TMEM106B: variants seen among roughly 807,000 people sequenced by gnomAD.
The protein encoded by TMEM106B is transmembrane protein 106B.
Under a neutral mutation model 31.1 loss-of-function variants are expected in TMEM106B, and 15 were observed. The ratio of observed to expected loss-of-function variants is 0.48; its 90% CI spans 0.32 to 0.74. The LOEUF (loss-of-function observed/expected upper bound fraction) is 0.74, where lower values mean the gene tolerates loss of function less well. TMEM106B is among the 30% of genes least tolerant of loss of function. TMEM106B has a pLI of 0.03. For synonymous variants in TMEM106B, 126 were observed against 112.5 expected, an observed-to-expected ratio of 1.12 and a Z score of -0.76; for missense variants, 283 against 327.3, an observed-to-expected ratio of 0.86 and a Z score of 1.04.
intron 4 of TMEM106B, 49 bp downstream of exon 4, chr7:12,224,434 A>C: frequency 6.7e-7 from 1 of 1,487,864 alleles, no homozygotes; most frequent in Non-Finnish European, 9.3e-7. Flanking sequence ...CTTTTATCCT[A>C]TTAAGCAGCA....
Position 12,238,151 on chromosome 7 carries a change from A to G in TMEM106B, c.*6176A>G, listed in dbSNP as rs1782176584. 6.5e-6 allele frequency: 1 copy of G among 154,518 alleles called. No individual in the cohort carries two copies. Among genetic ancestry groups the G allele is most frequent in the African/African-American group, 2.4e-5 (1 of 41,446 alleles). The allele number at this position is 154,518 out of a possible 1,614,324, so 9.6% of individuals were successfully genotyped here. ...AAACCCTGCCTCTGCTTTATCGACC[A>G]TGTTTAAATAATTTTCTAAATTCTT... On this transcript the variant is annotated 3_prime_UTR_variant, in exon 8 of 8. Coordinates refer to ENST00000396668, the MANE Select transcript of TMEM106B (RefSeq NM_001134232.2).
intron 3 of TMEM106B, among the ~76,000 whole-genome samples, chr7:12,219,620 A>G (rs981818285): frequency 2.0e-5 from 3 of 152,222 alleles, no homozygotes; most frequent in African/African-American, 7.2e-5. Flanking sequence ...TGAGAAGCTC[A>G]GAAATGAGAT....
chr7:12,215,114 GT>G, intron 2 of TMEM106B, 87 bp downstream of exon 2: 1 of 1,069,096 alleles, frequency 9.4e-7, no homozygotes, highest in Non-Finnish European at 1.4e-6. Flanking sequence ...GGAACCACCT[GT>G]TTTAGAGGAC....
chr7:12,227,389 G>A (rs768926200), intron 4 of TMEM106B, among the ~76,000 whole-genome samples: 2 of 151,886 alleles, frequency 1.3e-5, no homozygotes, highest in African/African-American at 4.8e-5. Flanking sequence ...TACCTAGGTC[G>A]AACTATTACC....
intron 3 of TMEM106B, among the ~76,000 whole-genome samples, chr7:12,219,530 A>T (rs1781747773): frequency 6.6e-6 from 1 of 152,220 alleles, no homozygotes; most frequent in South Asian, 2.1e-4. Flanking sequence ...TGACACTTTA[A>T]TAAAGGCATG....
intron 1 of TMEM106B, among the ~76,000 whole-genome samples, chr7:12,213,100 G>C (rs183991837): frequency 6.6e-6 from 1 of 152,124 alleles, no homozygotes; most frequent in Admixed American, 6.5e-5. Flanking sequence ...TCTACCTGCA[G>C]AAGTTATTTT....
intron 7 of TMEM106B, 133 bp from the exon 8 acceptor site, chr7:12,231,704 G>A: frequency 2.7e-6 from 2 of 731,400 alleles, no homozygotes; most frequent in Non-Finnish European, 4.2e-6. Flanking sequence ...AGAGGATTGT[G>A]TGCACAATAT....
At chr7:12,215,448 G>T (rs1211434405) in intron 2 of TMEM106B, among the ~76,000 whole-genome samples, 1 of 151,054 alleles carries the variant, frequency 6.6e-6, no homozygotes, top group Non-Finnish European at 1.5e-5. Context: ...TGTTGGCCAG[G>T]CTGGTCTTGA....
intron 4 of TMEM106B, among the ~76,000 whole-genome samples, chr7:12,225,816 C>G (rs139628525): frequency 0.011 from 1,632 of 152,138 alleles, 35 homozygotes; most frequent in African/African-American, 0.037. Flanking sequence ...TGCCTGTTCC[C>G]TCTGATGATA....
At position 12,243,252 on chromosome 7, in the gene TMEM106B, A is replaced by G. The variant is rs1377651195; in HGVS notation, c.*11277A>G. 1 of 152,136 alleles carries G rather than the reference A, an allele frequency of 6.6e-6. No homozygotes were observed. The highest frequency in any genetic ancestry group is 2.4e-5 in the African/African-American group (1 of 41,440). 9.4% of individuals were successfully genotyped at this position (152,136 alleles called of 1,614,324 possible). ...ATAAGTCAACCTCACATTTTAATGT[A>G]TGAAGAAGATTGTATGAACGATCAC... is the stretch of plus-strand genomic sequence containing the variant. On this transcript the variant is annotated 3_prime_UTR_variant, in exon 8 of 8. Transcript: ENST00000396668.
intron 4 of TMEM106B, among the ~76,000 whole-genome samples, chr7:12,227,988 T>A (rs7792410): frequency 1.3e-5 from 2 of 151,590 alleles, no homozygotes; most frequent in Admixed American, 1.3e-4. Flanking sequence ...CTTCCAAGAT[T>A]CTTCTAAATT....
In TMEM106B at chr7:12,232,094, A is replaced by T. The variant is rs751028892; in HGVS notation, c.*119A>T. The T allele has an allele frequency of 1.7e-5, 16 of 921,072 alleles. No homozygotes were observed. Among genetic ancestry groups the T allele is most frequent in the Non-Finnish European group, 2.4e-5 (15 of 638,108 alleles). 57.1% of individuals were successfully genotyped at this position (921,072 alleles called of 1,614,324 possible). A position where few individuals can be genotyped will look rare whatever the true frequency, so the allele number is the denominator to read the frequency against. On this transcript the variant is annotated 3_prime_UTR_variant, in exon 8 of 8. Coordinates refer to ENST00000396668, the MANE Select transcript of TMEM106B (RefSeq NM_001134232.2). The stretch of plus-strand genomic sequence containing the variant: ...AACAAACCTAAAGTTTACACTTCTA[A>T]GAGTACAGTTAAAAGTATGTGGACC...
rs1421691638 is a variant in TMEM106B, at chr7:12,234,157, TTGGAAAA to T, written c.*2184_*2190del. ...GTTTTCTTGCTTGTGTCTTTTAACC[TTGGAAAA>T]TTACATCGTGTAAATTAAACAGATT... On this transcript the variant is annotated 3_prime_UTR_variant, in exon 8 of 8. Transcript: ENST00000396668. 2 of 151,818 alleles carry T rather than the reference TTGGAAAA, an allele frequency of 1.3e-5. No homozygotes were observed. The highest frequency in any genetic ancestry group is 2.1e-4 in the South Asian group (1 of 4,830). The allele number at this position is 151,818 out of a possible 1,614,324, so 9.4% of individuals were successfully genotyped here. A position where few individuals can be genotyped will look rare whatever the true frequency, so the allele number is the denominator to read the frequency against.
At chr7:12,215,088 A>C in intron 2 of TMEM106B, 61 bp downstream of exon 2, 1 of 1,468,950 alleles carries the variant, frequency 6.8e-7, no homozygotes, top group Non-Finnish European at 9.3e-7. Context: ...AAGTATTATA[A>C]AAACTGTGGG....
At chr7:12,231,550 A>G in intron 7 of TMEM106B, 2 of 284,234 alleles carry the variant, frequency 7.0e-6, no homozygotes. Context: ...TAAGAGAACC[A>G]TGGTCACTTT....
At position 12,235,785 on chromosome 7, in the gene TMEM106B, A is replaced by C. The variant is rs1782121099; in HGVS notation, c.*3810A>C. 6.6e-6 allele frequency: 1 copy of C among 151,866 alleles called. No homozygotes were observed. Among genetic ancestry groups the C allele is most frequent in the South Asian group, 2.1e-4 (1 of 4,834 alleles). 9.4% of individuals were successfully genotyped at this position (151,866 alleles called of 1,614,324 possible). ...AAAAGATGTAAATTTTTAAATTTACAAATACATATGGGTCTTTGATAAGCA... is the reference window on the plus strand; with the variant it reads ...AAAAGATGTAAATTTTTAAATTTACCAATACATATGGGTCTTTGATAAGCA... On this transcript the variant is annotated 3_prime_UTR_variant, in exon 8 of 8. Transcript: ENST00000396668.
chr7:12,225,109 C>T (rs1359089381), intron 4 of TMEM106B, among the ~76,000 whole-genome samples: 1 of 152,072 alleles, frequency 6.6e-6, no homozygotes, highest in East Asian at 1.9e-4. Flanking sequence ...TGAGTGAGAA[C>T]ACGTGGTGTT....
At position 12,218,443 on chromosome 7, in the gene TMEM106B, T is replaced by C; in HGVS notation, c.218-15T>C. On this transcript the variant is annotated splice_polypyrimidine_tract_variant and intron_variant, in intron 2 of 7. Transcript: ENST00000396668. ...TAATCATAGTAATTTCTGAACTTAC[T>C]TCTTTCACATTTAGGGCAAGAAAAC... 2.5e-6 allele frequency: 4 copies of C among 1,607,460 alleles called. No homozygotes were observed. Among genetic ancestry groups the C allele is most frequent in the Non-Finnish European group, 3.4e-6 (4 of 1,175,412 alleles).
intron 3 of TMEM106B, 68 bp from the exon 4 acceptor site, chr7:12,224,158 C>G: frequency 1.4e-6 from 2 of 1,429,458 alleles, no homozygotes; most frequent in South Asian, 1.2e-5. Context: ...ATTGAACATA[C>G]CTTCTCTAAT....
Sources: gnomAD v4.1 joint callset for allele counts (sites outside exome capture counted in the v4.1 genomes callset) on GRCh38, gnomAD v4.1.1 for gene constraint, MANE v1.5 for transcripts, NCBI Gene and HGNC (gene_info 2026-07-23, HGNC 2026-07-21) for gene names.